The following CLVS2 variants were observed in gnomAD, a reference collection of about 807,000 sequenced individuals.
CLVS2 encodes the protein clavesin-2.
CLVS2 carries 19 observed loss-of-function variants against 29.0 expected under a neutral mutation model. The observed-to-expected ratio is 0.66, with a 90% CI of 0.46 to 0.96. The LOEUF is 0.96. CLVS2 is among the 40% of genes least tolerant of loss of function. CLVS2 has a pLI of 0.00. For synonymous variants in CLVS2, 161 were observed against 151.3 expected, an observed-to-expected ratio of 1.06 and a Z score of -0.47; for missense variants, 294 against 404.1, an observed-to-expected ratio of 0.73 and a Z score of 2.34.
chr6:123,027,215 A>G (rs1775015606), intron 3 of CLVS2, among the ~76,000 whole-genome samples: 1 of 152,204 alleles, frequency 6.6e-6, no homozygotes, highest in Non-Finnish European at 1.5e-5. Context: ...AATCAGTGAC[A>G]TCTTGAGTAG....
At chr6:122,998,662 T>C (rs1185501812) in intron 2 of CLVS2, among the ~76,000 whole-genome samples, 1 of 152,226 alleles carries the variant, frequency 6.6e-6, no homozygotes, top group African/African-American at 2.4e-5. Flanking sequence ...CAAGTAGTTT[T>C]GTTGCTTGGG....
rs1772825233 is a variant in CLVS2 at position 123,064,527 on chromosome 6, T to C, written c.*766T>C. 6.6e-6 allele frequency: 1 copy of C among 151,908 alleles called. No homozygotes were observed. The highest frequency in any genetic ancestry group is 2.1e-4 in the South Asian group (1 of 4,826). 9.4% of individuals were successfully genotyped at this position (151,908 alleles called of 1,614,324 possible). The stretch of plus-strand genomic sequence containing the variant: ...CCTATTATATTTCTTCCTAATGTAC[T>C]CTAAGTACATTTCCCCTCCAAAACT... On this transcript the variant is annotated 3_prime_UTR_variant, in exon 6 of 6. Coordinates refer to ENST00000275162, the MANE Select transcript of CLVS2 (RefSeq NM_001010852.4).
intron 2 of CLVS2, among the ~76,000 whole-genome samples, chr6:123,010,768 G>A (rs11968540): frequency 0.73 from 111,316 of 151,864 alleles, 41,264 homozygotes; most frequent in East Asian, 0.91. Context: ...ATGAAAAAGC[G>A]TTTCCATTTG....
At chr6:123,026,432 T>G (rs2114327945) in intron 3 of CLVS2, among the ~76,000 whole-genome samples, 1 of 152,180 alleles carries the variant, frequency 6.6e-6, no homozygotes, top group Admixed American at 6.5e-5. Flanking sequence ...GTTAAAAAGG[T>G]TAGTCTCTAT....
At chr6:123,034,366 A>G (rs1775121597) in intron 3 of CLVS2, among the ~76,000 whole-genome samples, 3 of 152,164 alleles carry the variant, frequency 2.0e-5, no homozygotes. Flanking sequence ...ATAAAATACT[A>G]CCTTGCAGTA....
At chr6:123,012,791 C>G (rs1774768883) in intron 3 of CLVS2, among the ~76,000 whole-genome samples, 1 of 152,008 alleles carries the variant, frequency 6.6e-6, no homozygotes, top group East Asian at 1.9e-4. Flanking sequence ...CTCTCTGTTC[C>G]CCAAAAATAT....
intron 3 of CLVS2, among the ~76,000 whole-genome samples, chr6:123,036,397 C>T (rs1775154504): frequency 1.3e-5 from 2 of 152,118 alleles, no homozygotes; most frequent in Non-Finnish European, 2.9e-5. Context: ...TAATAAATTT[C>T]TGTAAGATTT....
intron 3 of CLVS2, among the ~76,000 whole-genome samples, chr6:123,028,365 G>T (rs118065042): frequency 7.8e-4 from 119 of 152,256 alleles, no homozygotes; most frequent in African/African-American, 2.6e-3. Flanking sequence ...TGAACATCTT[G>T]TGTACACATA....
intron 5 of CLVS2, among the ~76,000 whole-genome samples, chr6:123,061,490 C>G (rs534839406): frequency 2.0e-5 from 3 of 152,020 alleles, no homozygotes; most frequent in Non-Finnish European, 4.4e-5. Context: ...CAACTAAATA[C>G]CAAAAAGAAA....
At chr6:123,041,976 AG>A (rs1359180430) in intron 3 of CLVS2, among the ~76,000 whole-genome samples, 9 of 152,326 alleles carry the variant, frequency 5.9e-5, no homozygotes, top group African/African-American at 2.2e-4. Context: ...TTCTAAAAAA[AG>A]TTACCTACAA....
chr6:122,998,955 A>G (rs1407079527), intron 2 of CLVS2, among the ~76,000 whole-genome samples: 1 of 152,226 alleles, frequency 6.6e-6, no homozygotes, highest in Non-Finnish European at 1.5e-5. Flanking sequence ...TATTCTTTTT[A>G]TCTACATTAT....
At chr6:123,023,449 G>T (rs1475348750) in intron 3 of CLVS2, among the ~76,000 whole-genome samples, 2 of 151,972 alleles carry the variant, frequency 1.3e-5, no homozygotes, top group African/African-American at 4.8e-5. Flanking sequence ...ATTAAGAATA[G>T]AATTATCCCC....
intron 3 of CLVS2, among the ~76,000 whole-genome samples, chr6:123,015,018 T>G (rs1774805196): frequency 9.3e-6 from 1 of 107,102 alleles, no homozygotes; most frequent in Non-Finnish European, 1.9e-5. Flanking sequence ...TATCCTTGGC[T>G]TTGAAAGTTG....
chr6:123,004,773 C>A (rs113659394), intron 2 of CLVS2, among the ~76,000 whole-genome samples: 9 of 152,084 alleles, frequency 5.9e-5, no homozygotes, highest in African/African-American at 2.2e-4. Context: ...ATTAGCCAGG[C>A]CTGGTGGCGG....
At chr6:123,004,071 G>A (rs1203758343) in intron 2 of CLVS2, among the ~76,000 whole-genome samples, 2 of 151,950 alleles carry the variant, frequency 1.3e-5, no homozygotes, top group South Asian at 2.1e-4. Flanking sequence ...AGAAAATCTC[G>A]ATTAAATATA....
At chr6:123,008,954 C>G (rs1036694850) in intron 2 of CLVS2, among the ~76,000 whole-genome samples, 7 of 151,886 alleles carry the variant, frequency 4.6e-5, no homozygotes, top group Non-Finnish European at 1.5e-5. Context: ...ATCCCTAGGC[C>G]TTTTGACTTT....
Position 123,011,133 on chromosome 6 carries a change from C to G in CLVS2, c.538C>G (p.Leu180Val). The G allele has an allele frequency of 1.3e-6, 2 of 1,585,576 alleles. No homozygotes were observed. The highest frequency in any genetic ancestry group is 2.3e-5 in the South Asian group (2 of 86,960). Reference sequence around the variant, plus strand: ...AGCCTCTAAACTCACACCAAGTATGCTGCGATTAGCTATTGAAGGCCTGCA... The same window carrying G: ...AGCCTCTAAACTCACACCAAGTATGGTGCGATTAGCTATTGAAGGCCTGCA... ...KQASKLTPSM[L>V]RLAIEGLQDS... The change falls in exon 3 of 6, where the codon CTG (leucine) becomes GTG (valine). Residue 180 changes from leucine to valine, a missense_variant. Coordinates refer to ENST00000275162, the MANE Select transcript of CLVS2 (RefSeq NM_001010852.4).
chr6:123,061,774 T>C (rs1176940853), intron 5 of CLVS2, among the ~76,000 whole-genome samples: 1 of 152,214 alleles, frequency 6.6e-6, no homozygotes. Context: ...TGTGTAATAG[T>C]ATATTAGGGC....
At chr6:123,061,687 A>G (rs1174209385) in intron 5 of CLVS2, among the ~76,000 whole-genome samples, 1 of 152,170 alleles carries the variant, frequency 6.6e-6, no homozygotes, top group Non-Finnish European at 1.5e-5. Context: ...AAAATGTCAT[A>G]TTCTCTAATA....
Sources: allele counts gnomAD v4.1 joint callset (sites outside exome capture counted in the v4.1 genomes callset), GRCh38; gene constraint gnomAD v4.1.1; transcripts MANE v1.5; gene names NCBI Gene and HGNC (gene_info 2026-07-23, HGNC 2026-07-21).